ITPKC: variants seen among roughly 807,000 people sequenced by gnomAD.
The protein encoded by ITPKC is IP3 3-kinase C.
Under a neutral mutation model 67.1 loss-of-function variants are expected in ITPKC, and 33 were observed. The ratio of observed to expected loss-of-function variants is 0.49; its 90% CI spans 0.37 to 0.66. ITPKC has a LOEUF of 0.66. ITPKC is among the 30% of genes least tolerant of loss of function. The pLI, the probability that ITPKC is intolerant of heterozygous loss-of-function variation, is 0.00. For missense variants in ITPKC, 820 were observed against 892.1 expected (o/e 0.92, Z 1.03); for synonymous variants, 341 against 359.8 (o/e 0.95, Z 0.59).
chr19:40,719,867 A>G (rs981617454), intron 1 of ITPKC, among the ~76,000 whole-genome samples: 6 of 152,126 alleles, frequency 3.9e-5, no homozygotes, highest in East Asian at 3.8e-4. Context: ...TTGTCCAAGG[A>G]TATCACCTTG....
chr19:40,735,773 T>C (rs182734442), intron 4 of ITPKC, among the ~76,000 whole-genome samples: 147 of 152,316 alleles, frequency 9.7e-4, no homozygotes, highest in African/African-American at 3.4e-3. Context: ...GTGTGGCAGA[T>C]GACTTAGGTG....
At chr19:40,737,136 C>T (rs1383638681) in intron 5 of ITPKC, 49 bp downstream of exon 5, 1 of 1,194,242 alleles carries the variant, frequency 8.4e-7, no homozygotes. Context: ...AGACAGCCAC[C>T]ATTTATTCTT....
At position 40,740,527 on chromosome 19, in the gene ITPKC, G is replaced by C. The variant is rs111436795; in HGVS notation, c.*967G>C. The C allele has an allele frequency of 4.7e-6, 1 of 211,878 alleles. No individual in the cohort carries two copies. The highest frequency in any genetic ancestry group is 9.4e-6 in the Non-Finnish European group (1 of 106,344). 13.1% of individuals were successfully genotyped at this position (211,878 alleles called of 1,614,324 possible). ...GTGTCAGAGGCGCAGGGTGGGTGGG[G>C]CTGCCAGCCAGGACCCTGGCCTGCA... On this transcript the variant is annotated 3_prime_UTR_variant, in exon 7 of 7. Coordinates refer to ENST00000263370, the MANE Select transcript of ITPKC (RefSeq NM_025194.3).
At chr19:40,718,419 T>C in intron 1 of ITPKC, 129 bp downstream of exon 1, 3 of 1,199,728 alleles carry the variant, frequency 2.5e-6, no homozygotes. Context: ...GGGAACCTCT[T>C]CCATCCACTG....
rs1273559349 is a variant in ITPKC, at chr19:40,717,657, A to G, written c.522A>G (p.Thr174=). The G allele has an allele frequency of 1.9e-6, 3 of 1,614,058 alleles. No homozygotes were observed. The South Asian group carries it at 3.3e-5, about 18-fold the overall frequency. Residue 174 remains threonine, a synonymous_variant, in exon 1 of 7, where the codon ACA becomes ACG. Coordinates refer to ENST00000263370, the MANE Select transcript of ITPKC (RefSeq NM_025194.3). The stretch of plus-strand genomic sequence containing the variant: ...AGCCAGGGGTTCATGGGCCCTGGAC[A>G]GAGCTGGAAACGCATGGGTCACAGA... ...WTQPGVHGPW[T]ELETHGSQTQ... is the part of the protein sequence containing the mutation.
intron 2 of ITPKC, among the ~76,000 whole-genome samples, chr19:40,726,772 C>T (rs182052347): frequency 7.2e-5 from 11 of 152,084 alleles, no homozygotes; most frequent in Admixed American, 5.9e-4. Context: ...CAGAGCACAG[C>T]GGCTCATGGC....
intron 3 of ITPKC, among the ~76,000 whole-genome samples, chr19:40,732,478 C>T (rs968069842): frequency 6.2e-5 from 9 of 145,042 alleles, no homozygotes; most frequent in Non-Finnish European, 1.3e-4. Context: ...TGCAGTGACC[C>T]GAGATCACCA....
Position 40,717,900 on chromosome 19 carries a change from T to G in ITPKC, c.765T>G (p.Thr255=), listed in dbSNP as rs752847788. The change falls in exon 1 of 7, where the codon ACT becomes ACG. Residue 255 remains threonine, a synonymous_variant. Coordinates refer to ENST00000263370, the MANE Select transcript of ITPKC (RefSeq NM_025194.3). The part of the protein sequence containing the change: ...YTDGSQKKQD[T]EAARKQPGTG... ...ATGGCTCCCAGAAAAAACAGGATAC[T>G]GAAGCAGCCAGGAAACAGCCTGGCA... is the stretch of plus-strand genomic sequence containing the variant. The G allele has an allele frequency of 4.3e-6, 7 of 1,614,126 alleles. No individual in the cohort carries two copies. Among genetic ancestry groups the G allele is most frequent in the Non-Finnish European group, 5.1e-6 (6 of 1,179,996 alleles).
chr19:40,722,061 A>G (rs974908887), intron 1 of ITPKC, among the ~76,000 whole-genome samples: 7 of 152,096 alleles, frequency 4.6e-5, no homozygotes, highest in Non-Finnish European at 8.8e-5. Context: ...CCAAGCATCA[A>G]AGAATGTTTC....
intron 3 of ITPKC, among the ~76,000 whole-genome samples, chr19:40,732,054 G>A (rs2082273362): frequency 1.3e-5 from 2 of 151,910 alleles, no homozygotes; most frequent in Non-Finnish European, 2.9e-5. Flanking sequence ...GGGCAACATG[G>A]TGAAACTCTG....
At chr19:40,732,538 A>G (rs911325925) in intron 3 of ITPKC, among the ~76,000 whole-genome samples, 3 of 144,422 alleles carry the variant, frequency 2.1e-5, no homozygotes, top group Non-Finnish European at 4.5e-5. Flanking sequence ...AAAAAAAAAA[A>G]AAAAAAAAAG....
Position 40,733,244 on chromosome 19 carries a change from C to T in ITPKC, c.1554C>T (p.Asp518=), listed in dbSNP as rs746367995. The T allele has an allele frequency of 8.7e-6, 14 of 1,614,082 alleles. No homozygotes were observed. The highest frequency in any genetic ancestry group is 1.1e-5 in the Non-Finnish European group (13 of 1,180,044). ...TGTATGAGAAGATGGTGGCTGTGGA[C>T]CCTGGGGCCCCTACCCCTGAGGAGC... The part of the protein sequence containing the change: ...KDMYEKMVAV[D]PGAPTPEEHA... Residue 518 remains aspartate, a synonymous_variant, in exon 4 of 7, where the codon GAC becomes GAT. Transcript: ENST00000263370.
intron 4 of ITPKC, among the ~76,000 whole-genome samples, chr19:40,733,794 C>T (rs2082282631): frequency 6.6e-6 from 1 of 152,134 alleles, no homozygotes; most frequent in South Asian, 2.1e-4. Flanking sequence ...TGGCTCATGC[C>T]TGTAATCCCA....
At chr19:40,724,879 C>T (rs549455047) in intron 1 of ITPKC, among the ~76,000 whole-genome samples, 2 of 149,106 alleles carry the variant, frequency 1.3e-5, no homozygotes, top group Non-Finnish European at 3.0e-5. Flanking sequence ...ACCTCGGAGG[C>T]AGAGGTTGCA....
chr19:40,731,770 C>T (rs978211329), intron 3 of ITPKC, among the ~76,000 whole-genome samples: 9 of 151,944 alleles, frequency 5.9e-5, no homozygotes, highest in Non-Finnish European at 1.5e-5. Flanking sequence ...ACCAGCATTC[C>T]TTCCCCCAGA....
chr19:40,738,302 G>C (rs1268264775), intron 6 of ITPKC, among the ~76,000 whole-genome samples: 1 of 152,094 alleles, frequency 6.6e-6, no homozygotes, highest in Non-Finnish European at 1.5e-5. Flanking sequence ...GGTGGCGGGC[G>C]CCTGTAGTCC....
intron 3 of ITPKC, among the ~76,000 whole-genome samples, chr19:40,730,405 CAT>C (rs996655135): frequency 5.3e-5 from 8 of 152,184 alleles, no homozygotes; most frequent in African/African-American, 1.9e-4. Context: ...TTTTGATAAA[CAT>C]ATTTTTATAA....
At chr19:40,728,494 A>T (rs1420866950) in intron 2 of ITPKC, among the ~76,000 whole-genome samples, 2 of 152,240 alleles carry the variant, frequency 1.3e-5, no homozygotes, top group African/African-American at 2.4e-5. Context: ...CTTGATCTAT[A>T]AATTAACTTA....
rs759360317 is a variant in ITPKC at position 40,717,990 on chromosome 19, C to G, written c.855C>G (p.Ser285=). The G allele has an allele frequency of 1.9e-6, 3 of 1,614,196 alleles. No homozygotes were observed. The highest frequency in any genetic ancestry group is 2.5e-6 in the Non-Finnish European group (3 of 1,180,022). ...GGACACAACCTAGCACTGACGGTTC[C>G]CAGACAGCACCTGGGACAGACTGCC... ...GSWTQPSTDG[S]QTAPGTDCLL... The change falls in exon 1 of 7, where the codon TCC becomes TCG. Residue 285 remains serine, a synonymous_variant. Coordinates refer to ENST00000263370, the MANE Select transcript of ITPKC (RefSeq NM_025194.3).
Sources: allele counts gnomAD v4.1 joint callset (sites outside exome capture counted in the v4.1 genomes callset), GRCh38; gene constraint gnomAD v4.1.1; transcripts MANE v1.5; gene names NCBI Gene and HGNC (gene_info 2026-07-23, HGNC 2026-07-21).